The following ITSN2 variants were observed in gnomAD, a reference collection of about 807,000 sequenced individuals.
ITSN2 encodes intersectin 2, also known as intersectin-2.
Under a neutral mutation model 243.7 loss-of-function variants are expected in ITSN2, and 156 were observed. That is an observed-to-expected ratio of 0.64 (90% confidence interval 0.56 to 0.73). The LOEUF is 0.73. ITSN2 is among the 30% of genes least tolerant of loss of function. The pLI, the probability that ITSN2 is intolerant of heterozygous loss-of-function variation, is 0.00. For synonymous variants in ITSN2, 703 were observed against 699.9 expected, an observed-to-expected ratio of 1.00 and a Z score of -0.07; for missense variants, 1,801 against 1,996.1, an observed-to-expected ratio of 0.90 and a Z score of 1.86.
At chr2:24,254,839 T>C (rs1261064574) in intron 23 of ITSN2, among the ~76,000 whole-genome samples, 2 of 152,150 alleles carry the variant, frequency 1.3e-5, no homozygotes, top group Non-Finnish European at 2.9e-5. Context: ...AAAATAAAAA[T>C]AATAAAACTT....
At chr2:24,250,258 C>T (rs1673922627) in intron 25 of ITSN2, among the ~76,000 whole-genome samples, 1 of 152,120 alleles carries the variant, frequency 6.6e-6, no homozygotes, top group African/African-American at 2.4e-5. Context: ...CTTCAAAGAA[C>T]CAACAGAAAA....
chr2:24,334,829 C>T (rs948463116), intron 1 of ITSN2: 19 of 880,738 alleles, frequency 2.2e-5, no homozygotes, highest in African/African-American at 1.5e-4. Flanking sequence ...TTTGGGAGGC[C>T]GAGGCGGGCG....
rs761709930 is a variant in ITSN2 at position 24,286,348 on chromosome 2, G to A, written c.1727C>T (p.Ser576Leu). 6.8e-6 allele frequency: 11 copies of A among 1,610,072 alleles called. No individual in the cohort carries two copies. The highest frequency in any genetic ancestry group is 2.7e-5 in the African/African-American group (2 of 74,666). ...TTTTTTATGAAGTAAACTGACCCCT[G>A]AATCTGAAAAACAAACATCAGACAG... ...KNMQFSNTPD[S>L]GVSLLHKKSL... Residue 576 changes from serine (S) to leucine (L), a missense_variant, in exon 16 of 40, where the codon TCA becomes TTA. This residue lies in a region of ITSN2 where 787 missense variants were observed against 803.9 expected (regional missense o/e 0.98). Coordinates refer to ENST00000355123, the MANE Select transcript of ITSN2 (RefSeq NM_006277.3).
At chr2:24,257,007 T>C (rs1675130604) in intron 23 of ITSN2, among the ~76,000 whole-genome samples, 1 of 152,122 alleles carries the variant, frequency 6.6e-6, no homozygotes, top group South Asian at 2.1e-4. Context: ...AAAGTAACTT[T>C]TCTAACTGAT....
At chr2:24,358,793 C>T (rs1345420802) in intron 1 of ITSN2, among the ~76,000 whole-genome samples, 1 of 152,182 alleles carries the variant, frequency 6.6e-6, no homozygotes, top group African/African-American at 2.4e-5. Context: ...AACACACCTC[C>T]TCATATTCAG....
chr2:24,357,374 G>A (rs1688540967), intron 1 of ITSN2, among the ~76,000 whole-genome samples: 2 of 152,078 alleles, frequency 1.3e-5, no homozygotes, highest in African/African-American at 4.8e-5. Context: ...ACTAACACAG[G>A]AACAGAAAAT....
At position 24,216,122 on chromosome 2, in the gene ITSN2, C is replaced by G. The variant is rs774447213; in HGVS notation, c.3917G>C (p.Ser1306Thr). ...SHMQAYIRFC[S>T]CQLNGAALLQ... The stretch of plus-strand genomic sequence containing the variant: ...CAGAGCTGCTCCATTAAGCTGGCAG[C>G]TGCAGAACCTGATGTAAGCCTGCAT... The change falls in exon 32 of 40, where the codon AGC (serine) becomes ACC (threonine). Residue 1306 changes from serine (S) to threonine (T), a missense_variant. Coordinates refer to ENST00000355123, the MANE Select transcript of ITSN2 (RefSeq NM_006277.3). 13 of 1,613,330 alleles carry G rather than the reference C, an allele frequency of 8.1e-6. No individual in the cohort carries two copies. The highest frequency in any genetic ancestry group is 1.1e-5 in the Non-Finnish European group (13 of 1,179,684).
chr2:24,203,506 G>A lies in ITSN2; in HGVS notation c.*120C>T, dbSNP rs1668526107. 5.1e-6 allele frequency: 5 copies of A among 973,284 alleles called. No homozygotes were observed. The highest frequency in any genetic ancestry group is 2.9e-5 in the Admixed American group (1 of 35,042). 60.3% of individuals were successfully genotyped at this position (973,284 alleles called of 1,614,324 possible). A position where few individuals can be genotyped will look rare whatever the true frequency, so the allele number is the denominator to read the frequency against. On this transcript the variant is annotated 3_prime_UTR_variant, in exon 40 of 40. Coordinates refer to ENST00000355123, the MANE Select transcript of ITSN2 (RefSeq NM_006277.3). ...TGTGCAGGAAAACAGAGCCCCCAGC[G>A]TGCATGGCTTTGTGAGGGGTGAAGC...
At chr2:24,329,991 A>AC (rs1685592027) in intron 1 of ITSN2, among the ~76,000 whole-genome samples, 1 of 152,244 alleles carries the variant, frequency 6.6e-6, no homozygotes, top group Non-Finnish European at 1.5e-5. Flanking sequence ...CATGGCTAAA[A>AC]ACAAACTATC....
chr2:24,356,491 G>GA (rs59741704), intron 1 of ITSN2, among the ~76,000 whole-genome samples: 142,329 of 147,990 alleles, frequency 0.96, 68,468 homozygotes, highest in East Asian at 0.99. Flanking sequence ...ATATCTACAA[G>GA]AAAAAAAAAA....
At chr2:24,292,125 T>C (rs1378393143) in intron 15 of ITSN2, among the ~76,000 whole-genome samples, 1 of 152,200 alleles carries the variant, frequency 6.6e-6, no homozygotes, top group East Asian at 1.9e-4. Context: ...TGGCAATTGT[T>C]ATACAGAGAG....
At chr2:24,321,036 G>A (rs540843235) in intron 2 of ITSN2, among the ~76,000 whole-genome samples, 2 of 152,196 alleles carry the variant, frequency 1.3e-5, no homozygotes, top group African/African-American at 4.8e-5. Flanking sequence ...GGAGAAACAA[G>A]GGAGAGGAAC....
chr2:24,301,078 T>G, intron 11 of ITSN2, 76 bp downstream of exon 11: 1 of 775,194 alleles, frequency 1.3e-6, no homozygotes, highest in Non-Finnish European at 2.1e-6. Context: ...ATAAAAATTC[T>G]AAATATTCCA....
At chr2:24,356,624 A>G (rs536990316) in intron 1 of ITSN2, among the ~76,000 whole-genome samples, 1 of 152,184 alleles carries the variant, frequency 6.6e-6, no homozygotes, top group African/African-American at 2.4e-5. Flanking sequence ...AATCAAAACC[A>G]CAATGATGGC....
At chr2:24,277,313 A>G (rs1678136667) in intron 17 of ITSN2, among the ~76,000 whole-genome samples, 1 of 152,214 alleles carries the variant, frequency 6.6e-6, no homozygotes, top group African/African-American at 2.4e-5. Context: ...TATACACAAT[A>G]ACACAACTCC....
intron 1 of ITSN2, among the ~76,000 whole-genome samples, chr2:24,351,615 A>G (rs1688025139): frequency 6.6e-6 from 1 of 152,232 alleles, no homozygotes; most frequent in Non-Finnish European, 1.5e-5. Context: ...TTCCAGAAAT[A>G]AACAATTCAT....
chr2:24,238,080 TA>T (rs1672356569), intron 29 of ITSN2, among the ~76,000 whole-genome samples: 1 of 152,224 alleles, frequency 6.6e-6, no homozygotes, highest in Non-Finnish European at 1.5e-5. Context: ...TATTGCTACT[TA>T]TCTTATGGAC....
rs568925980 is a variant in ITSN2, at chr2:24,237,074, A to G, written c.3577+9055T>C. Among the ~76,000 whole-genome samples, 3 of 152,250 alleles carry G rather than the reference A, an allele frequency of 2.0e-5. No homozygotes were observed. The East Asian group carries it at 5.8e-4, about 29-fold the overall frequency. On this transcript the variant is annotated intron_variant, in intron 29 of 39. Coordinates refer to ENST00000355123, the MANE Select transcript of ITSN2 (RefSeq NM_006277.3). The stretch of plus-strand genomic sequence containing the variant: ...GGTGGCAATATCAGCACACTAGTGT[A>G]GAGGCTAACAGCATGGACTTGGGAG...
chr2:24,253,266 CACCTACAACCTATTTACTA>C lies in ITSN2; in HGVS notation c.2954-774_2954-756del, dbSNP rs1353754634. On this transcript the variant is annotated intron_variant, in intron 24 of 39. Coordinates refer to ENST00000355123, the MANE Select transcript of ITSN2 (RefSeq NM_006277.3). ...ATAAACTTGAGACGATGAGAAACAC[CACCTACAACCTATTTACTA>C]TTCGCATTCCCAGTATTACTCAATT... Among the ~76,000 whole-genome samples, 14 of 152,228 alleles carry C rather than the reference CACCTACAACCTATTTACTA, an allele frequency of 9.2e-5. No individual in the cohort carries two copies. The East Asian group carries it at 2.7e-3, about 29-fold the overall frequency.
Sources: gnomAD v4.1 joint callset for allele counts (sites outside exome capture counted in the v4.1 genomes callset) on GRCh38, gnomAD v4.1.1 for gene constraint, gnomAD v4.1.1 regional missense constraint, MANE v1.5 for transcripts, NCBI Gene and HGNC (gene_info 2026-07-23, HGNC 2026-07-21) for gene names.